KSR1: variants seen among roughly 807,000 people sequenced by gnomAD.
KSR1 encodes the protein kinase suppressor of ras 1.
KSR1 carries 35 observed loss-of-function variants against 92.9 expected under a neutral mutation model. The ratio of observed to expected loss-of-function variants is 0.38; its 90% CI spans 0.29 to 0.50. The LOEUF (loss-of-function observed/expected upper bound fraction) is 0.50. Ranked by LOEUF, KSR1 falls within the 20% of genes least tolerant of loss-of-function variation. KSR1 has a pLI of 0.94. For synonymous variants in KSR1, 467 were observed against 472.6 expected, an observed-to-expected ratio of 0.99 and a Z score of 0.15; for missense variants, 972 against 1,158.5, an observed-to-expected ratio of 0.84 and a Z score of 2.34.
At chr17:27,596,413 G>T (rs778366544) in intron 9 of KSR1, among the ~76,000 whole-genome samples, 1 of 152,204 alleles carries the variant, frequency 6.6e-6, no homozygotes, top group South Asian at 2.1e-4. Flanking sequence ...GGCACCAAAC[G>T]TGTTTCCCAT....
intron 1 of KSR1, among the ~76,000 whole-genome samples, chr17:27,535,203 G>A (rs978013450): frequency 1.3e-5 from 2 of 152,218 alleles, no homozygotes; most frequent in South Asian, 2.1e-4. Context: ...AGGATGGTGT[G>A]TAGCCTTGGC....
At chr17:27,488,245 A>G (rs960657153) in intron 1 of KSR1, among the ~76,000 whole-genome samples, 3 of 152,260 alleles carry the variant, frequency 2.0e-5, no homozygotes, top group African/African-American at 7.2e-5. Context: ...CAGGTTAAGA[A>G]GTGAAATATT....
chr17:27,489,696 T>C (rs1370885343), intron 1 of KSR1, among the ~76,000 whole-genome samples: 2 of 152,176 alleles, frequency 1.3e-5, no homozygotes, highest in Non-Finnish European at 2.9e-5. Flanking sequence ...TTTTGCTTCT[T>C]CTCTCCCCTG....
intron 1 of KSR1, among the ~76,000 whole-genome samples, chr17:27,548,651 G>C (rs754592289): frequency 6.6e-6 from 1 of 152,102 alleles, no homozygotes; most frequent in African/African-American, 2.4e-5. Flanking sequence ...CCAACATGGC[G>C]AAAACCCGTC....
chr17:27,560,596 T>G, intron 2 of KSR1: 2 of 477,990 alleles, frequency 4.2e-6, no homozygotes, highest in East Asian at 1.1e-4. Flanking sequence ...CCATTTTGGT[T>G]TCCCAGTGGC....
At chr17:27,464,455 G>A (rs993058292) in intron 1 of KSR1, among the ~76,000 whole-genome samples, 7 of 152,076 alleles carry the variant, frequency 4.6e-5, no homozygotes, top group African/African-American at 1.2e-4. Context: ...AAGTTCATGC[G>A]CATGGCCAGG....
chr17:27,589,690 C>A (rs1201450205), intron 6 of KSR1, among the ~76,000 whole-genome samples: 1 of 152,234 alleles, frequency 6.6e-6, no homozygotes, highest in African/African-American at 2.4e-5. Context: ...GGCCTCCCCA[C>A]CCTGTGGACC....
Position 27,514,885 on chromosome 17 carries a change from T to C in KSR1, c.232-35683T>C, listed in dbSNP as rs1462630213. 2.0e-5 allele frequency among the ~76,000 whole-genome samples: 3 copies of C among 152,216 alleles called. No homozygotes were observed. The East Asian group carries it at 5.8e-4, about 29-fold the overall frequency. ...AGGTAGGAAGGTGGCTTTTGTCAACTGCCTCTTATCCATTTTAATGAGGAA... is the reference window on the plus strand; with the variant it reads ...AGGTAGGAAGGTGGCTTTTGTCAACCGCCTCTTATCCATTTTAATGAGGAA... On this transcript the variant is annotated intron_variant, in intron 1 of 20. Transcript: ENST00000644974.
intron 1 of KSR1, among the ~76,000 whole-genome samples, chr17:27,498,354 A>G (rs1407365025): frequency 6.6e-6 from 1 of 151,866 alleles, no homozygotes; most frequent in East Asian, 1.9e-4. Context: ...AAAAAAAAAA[A>G]AAAGGCTCTT....
chr17:27,533,457 C>T (rs2070628382), intron 1 of KSR1, among the ~76,000 whole-genome samples: 2 of 151,416 alleles, frequency 1.3e-5, no homozygotes, highest in Non-Finnish European at 1.5e-5. Context: ...AATCTTGGCT[C>T]ACTGCAACCT....
At chr17:27,601,591 C>T (rs765156592) in intron 11 of KSR1, among the ~76,000 whole-genome samples, 190 bp downstream of exon 11, 1 of 152,220 alleles carries the variant, frequency 6.6e-6, no homozygotes, top group Non-Finnish European at 1.5e-5. Context: ...AGGCCTCTTA[C>T]GTGAGAAGTT....
intron 1 of KSR1, among the ~76,000 whole-genome samples, chr17:27,476,052 T>C (rs916841262): frequency 7.9e-5 from 12 of 152,232 alleles, no homozygotes; most frequent in Admixed American, 7.8e-4. Context: ...ATAATTGCAT[T>C]CCTTCATTTA....
chr17:27,548,238 A>T (rs924886729), intron 1 of KSR1, among the ~76,000 whole-genome samples: 1 of 151,770 alleles, frequency 6.6e-6, no homozygotes, highest in African/African-American at 2.4e-5. Flanking sequence ...TCAAAAAAAA[A>T]AAAAAAAGAT....
chr17:27,499,705 A>G (rs1189885589), intron 1 of KSR1, among the ~76,000 whole-genome samples: 1 of 152,218 alleles, frequency 6.6e-6, no homozygotes, highest in African/African-American at 2.4e-5. Context: ...TGTGCTCCCC[A>G]CAGTGAAGAT....
chr17:27,520,494 C>T (rs1351789166), intron 1 of KSR1, among the ~76,000 whole-genome samples: 1 of 152,124 alleles, frequency 6.6e-6, no homozygotes, highest in African/African-American at 2.4e-5. Flanking sequence ...CTGCTTGGTG[C>T]GCATAATAAG....
intron 2 of KSR1, among the ~76,000 whole-genome samples, chr17:27,564,734 A>C (rs2071988943): frequency 7.3e-6 from 1 of 136,116 alleles, no homozygotes; most frequent in Non-Finnish European, 1.5e-5. Flanking sequence ...AGAAGATGGA[A>C]GACCCCCCCC....
intron 2 of KSR1, among the ~76,000 whole-genome samples, chr17:27,570,254 G>T (rs1202804980): frequency 6.6e-6 from 1 of 152,170 alleles, no homozygotes; most frequent in Non-Finnish European, 1.5e-5. Context: ...ACTTCATAAT[G>T]CAAGGCAGTG....
rs55706224 is a variant in KSR1 at position 27,526,094 on chromosome 17, T to TTCTTTCTTTCTCTC, written c.232-24471_232-24470insTTCTTTCTCTCTCT. ...TCTCTTTCTTTCTTTCTTTCTTTCT[T>TTCTTTCTTTCTCTC]TCTCTCTCTCTCTCTCTCTCTCTCA... On this transcript the variant is annotated intron_variant, in intron 1 of 20. Coordinates refer to ENST00000644974, the MANE Select transcript of KSR1 (RefSeq NM_001394583.1). 5.6e-3 allele frequency among the ~76,000 whole-genome samples: 660 copies of TTCTTTCTTTCTCTC among 118,454 alleles called. 9 individuals are homozygous for TTCTTTCTTTCTCTC. Among genetic ancestry groups the TTCTTTCTTTCTCTC allele is most frequent in the Admixed American group, 9.3e-3 (101 of 10,902 alleles). The allele number at this position is 118,454 out of a possible 152,430, so 77.7% of individuals were successfully genotyped here. A position where few individuals can be genotyped will look rare whatever the true frequency, so the allele number is the denominator to read the frequency against.
intron 1 of KSR1, among the ~76,000 whole-genome samples, chr17:27,550,180 C>T (rs887042213): frequency 6.6e-6 from 1 of 152,232 alleles, no homozygotes; most frequent in Non-Finnish European, 1.5e-5. Context: ...GCTAGGACTA[C>T]AGGCATGCGC....
Sources: gnomAD v4.1 joint callset for allele counts (sites outside exome capture counted in the v4.1 genomes callset) on GRCh38, gnomAD v4.1.1 for gene constraint, MANE v1.5 for transcripts, NCBI Gene and HGNC (gene_info 2026-07-23, HGNC 2026-07-21) for gene names.